The following ATE1 variants were observed in gnomAD, a reference collection of about 807,000 sequenced individuals.
ATE1 encodes arginyl-tRNA--protein transferase 1.
A neutral mutation model predicts 70.5 loss-of-function variants in ATE1; 36 were observed. That is an observed-to-expected ratio of 0.51 (90% CI 0.39 to 0.67). ATE1 has a LOEUF of 0.67. Among genes scored for constraint, ATE1 ranks in the 30% least tolerant of loss-of-function variants. The pLI is 0.00. For synonymous variants in ATE1, 232 were observed against 219.3 expected, an observed-to-expected ratio of 1.06 and a Z score of -0.51; for missense variants, 593 against 629.5, an observed-to-expected ratio of 0.94 and a Z score of 0.62.
At chr10:121,890,980 A>G (rs1950559281) in intron 7 of ATE1, among the ~76,000 whole-genome samples, 1 of 152,166 alleles carries the variant, frequency 6.6e-6, no homozygotes, top group African/African-American at 2.4e-5. Context: ...CTACTTTTCT[A>G]AAGATGTTGA....
chr10:121,881,232 A>G (rs957165254), intron 7 of ATE1, among the ~76,000 whole-genome samples: 1 of 152,170 alleles, frequency 6.6e-6, no homozygotes, highest in Admixed American at 6.6e-5. Context: ...CATTCATTCA[A>G]AACATGTTCA....
At chr10:121,747,016 G>A (rs1270796156) in intron 11 of ATE1, among the ~76,000 whole-genome samples, 1 of 152,172 alleles carries the variant, frequency 6.6e-6, no homozygotes, top group East Asian at 1.9e-4. Context: ...TGTAGCAGGA[G>A]ATACAAGCTA....
At chr10:121,769,321 T>TG (rs1372707154) in intron 11 of ATE1, among the ~76,000 whole-genome samples, 10 of 152,186 alleles carry the variant, frequency 6.6e-5, no homozygotes, top group Non-Finnish European at 1.5e-4. Flanking sequence ...CAACTAGTGT[T>TG]GGAGCAACTG....
At position 121,826,379 on chromosome 10, in the gene ATE1, T is replaced by C. The variant is rs564007771; in HGVS notation, c.1257+10339A>G. On this transcript the variant is annotated intron_variant, in intron 10 of 11. Transcript: ENST00000224652. ...GGAGTGCAGTGGCGCAATCTCGGCT[T>C]ACTGCAACCTCCACCTCGTGGGTTC... Among the ~76,000 whole-genome samples, 78 of 152,096 alleles carry C rather than the reference T, an allele frequency of 5.1e-4. 1 individual carries two copies. In the South Asian group the frequency reaches 0.013, roughly 26 times the overall value.
intron 11 of ATE1, among the ~76,000 whole-genome samples, chr10:121,771,713 T>TA (rs1945525311): frequency 6.6e-6 from 1 of 152,202 alleles, no homozygotes. Context: ...AGGTCCTTTT[T>TA]AAAAAATGCA....
At chr10:121,878,447 G>C (rs1462347649) in intron 7 of ATE1, among the ~76,000 whole-genome samples, 6 of 151,920 alleles carry the variant, frequency 3.9e-5, no homozygotes, top group Admixed American at 3.9e-4. Context: ...ACAAAAATTA[G>C]CCGGCCATGG....
intron 11 of ATE1, among the ~76,000 whole-genome samples, chr10:121,754,287 G>A (rs1944706349): frequency 6.6e-6 from 1 of 152,048 alleles, no homozygotes; most frequent in African/African-American, 2.4e-5. Context: ...AAAATAACTA[G>A]GGCTCCTTGG....
chr10:121,780,080 C>T (rs1945919403), intron 11 of ATE1, among the ~76,000 whole-genome samples: 1 of 152,156 alleles, frequency 6.6e-6, no homozygotes, highest in Non-Finnish European at 1.5e-5. Context: ...CACTCATGGA[C>T]CATGTCTCCC....
chr10:121,790,370 G>A, intron 10 of ATE1, 81 bp from the exon 11 acceptor site: 1 of 1,519,194 alleles, frequency 6.6e-7, no homozygotes. Context: ...CTCTAGGAAA[G>A]GTTTAAAGCA....
intron 10 of ATE1, among the ~76,000 whole-genome samples, 174 bp downstream of exon 10, chr10:121,836,544 G>A (rs1195517352): frequency 6.6e-6 from 1 of 152,200 alleles, no homozygotes; most frequent in Non-Finnish European, 1.5e-5. Context: ...TACAAGAGCA[G>A]AAGAGGCTGT....
At chr10:121,853,801 C>T (rs1179572095) in intron 8 of ATE1, among the ~76,000 whole-genome samples, 3 of 152,154 alleles carry the variant, frequency 2.0e-5, no homozygotes, top group Non-Finnish European at 4.4e-5. Flanking sequence ...ATGCACAGTT[C>T]TCGAGGCTGA....
intron 10 of ATE1, among the ~76,000 whole-genome samples, chr10:121,822,240 T>C (rs1330709193): frequency 2.0e-5 from 3 of 152,186 alleles, no homozygotes; most frequent in Non-Finnish European, 4.4e-5. Flanking sequence ...TACAACCACA[T>C]GGATAAATCT....
intron 10 of ATE1, among the ~76,000 whole-genome samples, chr10:121,798,752 T>A (rs11200162): frequency 6.6e-6 from 1 of 151,744 alleles, no homozygotes; most frequent in South Asian, 2.1e-4. Context: ...ATACAAAAAT[T>A]GTTGGGCGTG....
chr10:121,799,731 A>G (rs1378402086), intron 10 of ATE1, among the ~76,000 whole-genome samples: 1 of 152,210 alleles, frequency 6.6e-6, no homozygotes, highest in African/African-American at 2.4e-5. Context: ...TATTGCCAGT[A>G]AGTGTCTTGG....
chr10:121,851,266 AAATAGTAGCC>A (rs899144202), intron 8 of ATE1, among the ~76,000 whole-genome samples: 46 of 152,234 alleles, frequency 3.0e-4, no homozygotes, highest in Non-Finnish European at 5.7e-4. Flanking sequence ...TAAAAATACA[AAATAGTAGCC>A]AGGTGTGGTG....
At chr10:121,762,633 C>A (rs75573117) in intron 11 of ATE1, among the ~76,000 whole-genome samples, 4,571 of 152,152 alleles carry the variant, frequency 0.03, 82 homozygotes, top group Middle Eastern at 0.058. Context: ...TGTGAGTGAG[C>A]TTGGTGAGTG....
intron 11 of ATE1, among the ~76,000 whole-genome samples, chr10:121,750,916 A>G (rs965106192): frequency 6.6e-6 from 1 of 152,258 alleles, no homozygotes; most frequent in African/African-American, 2.4e-5. Flanking sequence ...AAAGTCAAGT[A>G]TGATTTAGAA....
intron 7 of ATE1, among the ~76,000 whole-genome samples, chr10:121,872,623 AT>A (rs1424422973): frequency 3.9e-5 from 6 of 152,150 alleles, no homozygotes; most frequent in African/African-American, 1.2e-4. Context: ...TTATAAAAAA[AT>A]GAGACTGCAA....
intron 8 of ATE1, among the ~76,000 whole-genome samples, chr10:121,852,492 C>T (rs1389782026): frequency 6.6e-6 from 1 of 152,108 alleles, no homozygotes; most frequent in Non-Finnish European, 1.5e-5. Flanking sequence ...AGGCAGCTCA[C>T]TTGAGGTCAG....
Sources: allele counts gnomAD v4.1 joint callset (sites outside exome capture counted in the v4.1 genomes callset), GRCh38; gene constraint gnomAD v4.1.1; transcripts MANE v1.5; gene names NCBI Gene and HGNC (gene_info 2026-07-23, HGNC 2026-07-21).